HDLBP: variants seen among roughly 807,000 people sequenced by gnomAD.
HDLBP encodes the protein vigilin.
HDLBP carries 30 observed loss-of-function variants against 137.3 expected under a neutral mutation model. The ratio of observed to expected loss-of-function variants is 0.22; its 90% CI spans 0.16 to 0.30. HDLBP has a LOEUF of 0.30. Ranked by LOEUF, HDLBP falls within the 10% of genes least tolerant of loss-of-function variation. The pLI is 1.00. For missense variants in HDLBP, 1,119 were observed against 1,667.3 expected (o/e 0.67, Z 5.73); for synonymous variants, 606 against 596.0 (o/e 1.02, Z -0.24).
chr2:241,239,374 CTCTTTT>C lies in HDLBP; in HGVS notation c.2610+222_2610+227del, dbSNP rs1264948184. Among the ~76,000 whole-genome samples the C allele has an allele frequency of 6.6e-6, 1 of 152,020 alleles. No individual in the cohort carries two copies. On this transcript the variant is annotated intron_variant, in intron 19 of 27. Transcript: ENST00000310931. The surrounding 1 kb of genome is among the most constrained non-coding windows in gnomAD (Gnocchi z 4.6). Reference sequence around the variant, plus strand: ...CCCCTCTCCTCTTCTCCTTCTCTCTCTCTTTTTTTTTTTAAGTGCTTCTCGCAGGCA... The same window carrying C: ...CCCCTCTCCTCTTCTCCTTCTCTCTCTTTTTTTAAGTGCTTCTCGCAGGCA...
rs148676564 is a variant in HDLBP, at chr2:241,235,195, C to T, written c.3070G>A (p.Ala1024Thr). Residue 1024 changes from alanine to threonine, a missense_variant, in exon 23 of 28, where the codon GCT becomes ACT. Ala to Thr is a moderately conservative substitution (Grantham distance 58). Transcript: ENST00000310931. The part of the protein sequence containing the change: ...QSDIIAITGL[A>T]ANLDRAKAGL... ...GCCTTGGCCCGGTCCAAATTTGCAG[C>T]GAGGCCCGTGATGGCGATGATGTCA... The T allele has an allele frequency of 7.8e-5, 126 of 1,614,072 alleles. No individual in the cohort carries two copies. The highest frequency in any genetic ancestry group is 1.8e-4 in the East Asian group (8 of 44,894).
At chr2:241,307,673 A>G (rs2075626756) in intron 1 of HDLBP, among the ~76,000 whole-genome samples, 1 of 152,240 alleles carries the variant, frequency 6.6e-6, no homozygotes. Context: ...TACTTTAATT[A>G]TAATTTTAAT....
At chr2:241,281,040 G>C (rs2149615720) in intron 1 of HDLBP, among the ~76,000 whole-genome samples, 1 of 152,328 alleles carries the variant, frequency 6.6e-6, no homozygotes, top group South Asian at 2.1e-4. Flanking sequence ...ACATGTGTCA[G>C]ATAAATACAA....
At chr2:241,246,260 G>C (rs1180019497) in intron 16 of HDLBP, among the ~76,000 whole-genome samples, 1 of 151,630 alleles carries the variant, frequency 6.6e-6, no homozygotes, top group African/African-American at 2.4e-5. Flanking sequence ...GTTGCCTGGG[G>C]ATAGAAGTGG....
At chr2:241,287,417 TTTC>T (rs2074857758) in intron 1 of HDLBP, among the ~76,000 whole-genome samples, 1 of 142,210 alleles carries the variant, frequency 7.0e-6, no homozygotes, top group African/African-American at 2.7e-5. Context: ...TATTTCTTTC[TTTC>T]TTTTTTTTTT....
intron 1 of HDLBP, among the ~76,000 whole-genome samples, chr2:241,274,672 A>G (rs1445094610): frequency 6.6e-6 from 1 of 152,260 alleles, no homozygotes; most frequent in Non-Finnish European, 1.5e-5. Flanking sequence ...AGAGATTACA[A>G]AATCATATGC....
chr2:241,251,234 C>T (rs926479505), intron 11 of HDLBP, among the ~76,000 whole-genome samples: 1 of 152,180 alleles, frequency 6.6e-6, no homozygotes, highest in Non-Finnish European at 1.5e-5. Flanking sequence ...GCTGGGATTA[C>T]AGGCAAGAGC....
At chr2:241,266,956 C>T (rs1366006369) in intron 2 of HDLBP, 50 bp from the exon 3 acceptor site, 7 of 1,312,428 alleles carry the variant, frequency 5.3e-6, no homozygotes, top group Non-Finnish European at 7.7e-6. Flanking sequence ...CCTCAATTAT[C>T]TATGAGATTG....
intron 1 of HDLBP, chr2:241,273,341 C>T (rs1216349365): frequency 2.9e-6 from 2 of 684,398 alleles, no homozygotes; most frequent in East Asian, 1.3e-4. Flanking sequence ...CCTTGGCAAT[C>T]AACTTAATCT....
In HDLBP at chr2:241,233,698, G is replaced by A. The variant is rs1473331951; in HGVS notation, c.3288+122C>T. The A allele has an allele frequency of 5.7e-6, 6 of 1,052,320 alleles. No individual in the cohort carries two copies. Among genetic ancestry groups the A allele is most frequent in the Non-Finnish European group, 7.1e-6 (5 of 709,168 alleles). The allele number at this position is 1,052,320 out of a possible 1,614,324, so 65.2% of individuals were successfully genotyped here. On this transcript the variant is annotated intron_variant, in intron 24 of 27. Transcript: ENST00000310931. This position sits in a 1 kb window ranked among gnomAD's most constrained non-coding sequence, Gnocchi z 4.3. ...CTCAAGCCAGAATTAGGTCCTGAGA[G>A]ACTTGCCACTCTCAACTTGGCCCTC...
At chr2:241,274,560 C>T (rs996704325) in intron 1 of HDLBP, among the ~76,000 whole-genome samples, 3 of 152,102 alleles carry the variant, frequency 2.0e-5, no homozygotes, top group Non-Finnish European at 2.9e-5. Flanking sequence ...GGATTCGGTC[C>T]GCTGTCAAGG....
chr2:241,234,037 T>C, intron 23 of HDLBP, 74 bp from the exon 24 acceptor site: 1 of 1,543,662 alleles, frequency 6.5e-7, no homozygotes, highest in Non-Finnish European at 8.9e-7. Context: ...CCTTCCACCC[T>C]GGTCATAGGA....
rs961968661 is a variant in HDLBP at position 241,235,407 on chromosome 2, G to A, written c.3009+83C>T. 3.4e-6 allele frequency: 5 copies of A among 1,459,468 alleles called. No individual in the cohort carries two copies. In the African/African-American group the frequency reaches 4.2e-5, roughly 12 times the overall value. The allele number at this position is 1,459,468 out of a possible 1,614,324, so 90.4% of individuals were successfully genotyped here. ...CGAGCAGGAGGAGGCAGAGTCAACA[G>A]GAAGTTGAGAAAGGACACTGGCACT... On this transcript the variant is annotated intron_variant, in intron 22 of 27. Coordinates refer to ENST00000310931, the MANE Select transcript of HDLBP (RefSeq NM_005336.6).
intron 27 of HDLBP, 49 bp downstream of exon 27, chr2:241,229,784 G>GGGCCCCC: frequency 2.7e-6 from 4 of 1,502,528 alleles, no homozygotes; most frequent in Non-Finnish European, 2.7e-6. Context: ...AAGCCCGCCT[G>GGGCCCCC]CCCGCCCACC....
chr2:241,273,754 G>T (rs1212662173), intron 1 of HDLBP: 55 of 796,558 alleles, frequency 6.9e-5, no homozygotes, highest in Non-Finnish European at 1.4e-5. Context: ...CCAGGGAATG[G>T]GGTCAGGTCC....
rs943148441 is a variant in HDLBP at position 241,272,097 on chromosome 2, A to C, written c.-102-3556T>G. On this transcript the variant is annotated intron_variant, in intron 1 of 27. Transcript: ENST00000310931. This position sits in a 1 kb window ranked among gnomAD's most constrained non-coding sequence, Gnocchi z 5.6. ...CTTTTCCGTAATGTATTTTTCATCC[A>C]CGACCCTGGGGCACGTCCAAGTTGC... 12 of 717,602 alleles carry C rather than the reference A, an allele frequency of 1.7e-5. No homozygotes were observed. The highest frequency in any genetic ancestry group is 2.1e-5 in the Non-Finnish European group (12 of 585,054). The allele number at this position is 717,602 out of a possible 1,614,324, so 44.5% of individuals were successfully genotyped here.
intron 21 of HDLBP, among the ~76,000 whole-genome samples, chr2:241,235,834 T>C (rs976872780): frequency 2.6e-5 from 4 of 152,172 alleles, no homozygotes; most frequent in African/African-American, 9.7e-5. Flanking sequence ...CCCTCCTGAA[T>C]TACAGCAGCC....
chr2:241,309,354 C>T (rs534577815), intron 1 of HDLBP, among the ~76,000 whole-genome samples: 28 of 152,200 alleles, frequency 1.8e-4, no homozygotes, highest in African/African-American at 6.5e-4. Context: ...CAGCACGAGC[C>T]GTTGTCAGAT....
intron 17 of HDLBP, among the ~76,000 whole-genome samples, chr2:241,241,475 G>A (rs2071210932): frequency 6.7e-6 from 1 of 148,734 alleles, no homozygotes. Context: ...GCTGAGGCAG[G>A]AGAATGGCGT....
Sources: allele counts gnomAD v4.1 joint callset (sites outside exome capture counted in the v4.1 genomes callset), GRCh38; gene constraint gnomAD v4.1.1; non-coding constraint Gnocchi (gnomAD v3.1); transcripts MANE v1.5; gene names NCBI Gene and HGNC (gene_info 2026-07-23, HGNC 2026-07-21).